The following CUBN variants were observed in gnomAD, a reference collection of about 807,000 sequenced individuals.
The protein encoded by CUBN is 460 kDa receptor.
A neutral mutation model predicts 405.3 loss-of-function variants in CUBN; 282 were observed. The ratio of observed to expected loss-of-function variants is 0.70; its 90% confidence interval spans 0.63 to 0.77. CUBN has a LOEUF of 0.77. Among genes scored for constraint, CUBN ranks in the 30% least tolerant of loss-of-function variants. The probability of loss-of-function intolerance (pLI) is 0.00; values close to 1 mark genes in which losing one functional copy is unlikely to be tolerated. For missense variants in CUBN, 4,514 were observed against 4,475.2 expected (o/e 1.01, Z -0.25); for synonymous variants, 1,684 against 1,617.0 (o/e 1.04, Z -0.99).
rs925523 is a variant in CUBN, at chr10:16,990,562, A to G, written c.4169-47T>C. Reference sequence around the variant, plus strand: ...GTCAGTTCAAAGTGGGCAACAGCACATGGAAAATAATTCCAAATTCAACTC... The same window carrying G: ...GTCAGTTCAAAGTGGGCAACAGCACGTGGAAAATAATTCCAAATTCAACTC... On this transcript the variant is annotated intron_variant, in intron 28 of 66. Transcript: ENST00000377833. 0.95 allele frequency: 1,482,729 copies of G among 1,567,864 alleles called. 703,800 individuals are homozygous for G. Among genetic ancestry groups the G allele is most frequent in the Non-Finnish European group, 0.97 (1,104,070 of 1,142,182 alleles).
chr10:16,872,357 T>TATATATAG (rs980619583), intron 58 of CUBN, among the ~76,000 whole-genome samples: 2 of 151,272 alleles, frequency 1.3e-5, no homozygotes, highest in African/African-American at 4.9e-5. Flanking sequence ...TACATATATA[T>TATATATAG]ATAGATAGAT....
In CUBN at chr10:16,985,312, C is replaced by T. The variant is rs544631231; in HGVS notation, c.4351-1033G>A. Among the ~76,000 whole-genome samples the T allele has an allele frequency of 5.9e-5, 9 of 152,304 alleles. No individual in the cohort carries two copies. In the South Asian group the frequency reaches 1.4e-3, roughly 25 times the overall value. ...GAAGGAGAGAGAAGGAGCATCTGAACGTTGAGAGGAGTTTGGCCGGGGATG... is the reference window on the plus strand; with the variant it reads ...GAAGGAGAGAGAAGGAGCATCTGAATGTTGAGAGGAGTTTGGCCGGGGATG... On this transcript the variant is annotated intron_variant, in intron 29 of 66. Coordinates refer to ENST00000377833, the MANE Select transcript of CUBN (RefSeq NM_001081.4).
At chr10:17,037,942 C>CA (rs544378267) in intron 27 of CUBN, among the ~76,000 whole-genome samples, 1 of 142,934 alleles carries the variant, frequency 7.0e-6, no homozygotes, top group East Asian at 2.1e-4. Flanking sequence ...ACACAGTCAC[C>CA]TTTTTTTTTT....
intron 48 of CUBN, among the ~76,000 whole-genome samples, chr10:16,911,554 T>C (rs1040918774): frequency 1.3e-5 from 2 of 152,182 alleles, no homozygotes; most frequent in African/African-American, 4.8e-5. Context: ...AATTAAGGGA[T>C]AGGGAGATGA....
chr10:16,925,017 G>C (rs958703858), intron 43 of CUBN, among the ~76,000 whole-genome samples: 1 of 152,036 alleles, frequency 6.6e-6, no homozygotes, highest in African/African-American at 2.4e-5. Context: ...ATGTGGCCTT[G>C]GAAAAGTCCA....
intron 22 of CUBN, among the ~76,000 whole-genome samples, chr10:17,056,659 C>A (rs972853975): frequency 6.6e-6 from 1 of 151,894 alleles, no homozygotes; most frequent in African/African-American, 2.4e-5. Context: ...CTGATAACTT[C>A]GGTAGTGAAA....
In CUBN at chr10:17,109,679, C is replaced by T. The variant is rs1836722882; in HGVS notation, c.1072G>A (p.Gly358Arg). ...CATGAGGCATCTGGGTGGCAGCCTC[C>T]ATTACTGACTGAGCAGATGTCTGTG... ...TLTDICSVSN[G>R]GCHPDASCSS... The change falls in exon 10 of 67, where the codon GGA becomes AGA. Residue 358 changes from glycine (G) to arginine (R), a missense_variant. Physicochemically the swap from Gly to Arg is moderately radical, Grantham distance 125. This residue lies in a region of CUBN where 1,448 missense variants were observed against 1,388.0 expected (regional missense o/e 1.04). Coordinates refer to ENST00000377833, the MANE Select transcript of CUBN (RefSeq NM_001081.4). 6.2e-7 allele frequency: 1 copy of T among 1,613,798 alleles called. No individual in the cohort carries two copies. Among genetic ancestry groups the T allele is most frequent in the South Asian group, 1.1e-5 (1 of 91,072 alleles).
intron 14 of CUBN, among the ~76,000 whole-genome samples, chr10:17,096,640 T>C (rs1250880660): frequency 6.6e-6 from 1 of 152,058 alleles, no homozygotes; most frequent in African/African-American, 2.4e-5. Flanking sequence ...TGAAAAACAC[T>C]ATTTACCAAC....
intron 22 of CUBN, among the ~76,000 whole-genome samples, chr10:17,050,194 T>C (rs1835231668): frequency 6.6e-6 from 1 of 152,194 alleles, no homozygotes; most frequent in Non-Finnish European, 1.5e-5. Flanking sequence ...CTGAGGTTCT[T>C]TAATATTTTT....
At chr10:16,905,732 T>C (rs746552773) in intron 50 of CUBN, among the ~76,000 whole-genome samples, 9 of 152,208 alleles carry the variant, frequency 5.9e-5, no homozygotes, top group Non-Finnish European at 1.0e-4. Flanking sequence ...CACAGAATTA[T>C]GGCTTCGAAC....
At chr10:17,095,733 C>A (rs967856461) in intron 14 of CUBN, among the ~76,000 whole-genome samples, 2 of 152,076 alleles carry the variant, frequency 1.3e-5, no homozygotes, top group African/African-American at 4.8e-5. Context: ...AGCAATCTCA[C>A]TTCTGGTTAT....
At chr10:16,897,261 TG>T (rs1422548611) in intron 54 of CUBN, among the ~76,000 whole-genome samples, 15 of 152,204 alleles carry the variant, frequency 9.9e-5, no homozygotes, top group Admixed American at 9.2e-4. Context: ...TAGGGAACTT[TG>T]GGTCCTATTC....
At chr10:16,991,701 C>T (rs1833594082) in intron 28 of CUBN, among the ~76,000 whole-genome samples, 1 of 145,720 alleles carries the variant, frequency 6.9e-6, no homozygotes, top group African/African-American at 2.5e-5. Flanking sequence ...TATTCTTCAT[C>T]AAGGCTTTTT....
intron 59 of CUBN, among the ~76,000 whole-genome samples, chr10:16,852,153 A>C (rs1358367228): frequency 2.3e-3 from 69 of 29,540 alleles, no homozygotes; most frequent in Non-Finnish European, 2.5e-3. Flanking sequence ...CCCTCACTCT[A>C]TCTTTCCCTC....
intron 7 of CUBN, 121 bp downstream of exon 7, chr10:17,115,350 G>T: frequency 8.0e-7 from 1 of 1,243,400 alleles, no homozygotes; most frequent in Non-Finnish European, 1.2e-6. Context: ...CCTACTTACA[G>T]ACAGGAAGTG....
rs1342352958 is a variant in CUBN at position 17,047,609 on chromosome 10, A to G, written c.3140-6T>C. 1 of 1,612,218 alleles carries G rather than the reference A, an allele frequency of 6.2e-7. No individual in the cohort carries two copies. Among genetic ancestry groups the G allele is most frequent in the Non-Finnish European group, 8.5e-7 (1 of 1,178,378 alleles). On this transcript the variant is annotated splice_polypyrimidine_tract_variant and splice_region_variant and intron_variant, in intron 22 of 66. Coordinates refer to ENST00000377833, the MANE Select transcript of CUBN (RefSeq NM_001081.4). ...TGTGTAGTCTTGCAAACATGCTGTG[A>G]ACAGAAACAGACCATAAGAGAGAAA...
intron 65 of CUBN, among the ~76,000 whole-genome samples, chr10:16,830,033 T>C (rs1838934600): frequency 6.6e-6 from 1 of 152,064 alleles, no homozygotes; most frequent in Non-Finnish European, 1.5e-5. Flanking sequence ...TCTCCCAAGT[T>C]CAAGTGATTC....
At chr10:16,966,215 G>T (rs1048718965) in intron 31 of CUBN, among the ~76,000 whole-genome samples, 2 of 152,176 alleles carry the variant, frequency 1.3e-5, no homozygotes, top group African/African-American at 4.8e-5. Context: ...CATCTGTCCT[G>T]CATTCCATTC....
chr10:16,871,234 T>G (rs920408646), intron 58 of CUBN, among the ~76,000 whole-genome samples: 1 of 151,478 alleles, frequency 6.6e-6, no homozygotes, highest in Non-Finnish European at 1.5e-5. Flanking sequence ...AGAGATGAGG[T>G]TTCTGCCATG....
Sources: allele counts gnomAD v4.1 joint callset (sites outside exome capture counted in the v4.1 genomes callset), GRCh38; gene constraint gnomAD v4.1.1; regional missense constraint gnomAD v4.1.1; transcripts MANE v1.5; gene names NCBI Gene and HGNC (gene_info 2026-07-23, HGNC 2026-07-21).